AKR7A2: variants seen among roughly 807,000 people sequenced by gnomAD.
AKR7A2 encodes the protein aflatoxin B1 aldehyde reductase member 2.
AKR7A2 carries 29 observed loss-of-function variants against 37.3 expected under a neutral mutation model. The ratio of observed to expected loss-of-function variants is 0.78; its 90% CI spans 0.58 to 1.06. AKR7A2 has a LOEUF of 1.06. AKR7A2 is among the 50% of genes least tolerant of loss of function. The pLI is 0.00. For missense variants in AKR7A2, 529 were observed against 497.9 expected (o/e 1.06, Z -0.59); for synonymous variants, 228 against 217.8 (o/e 1.05, Z -0.41).
At chr1:19,309,131 CA>C (rs2093767720) in intron 1 of AKR7A2, among the ~76,000 whole-genome samples, 1 of 152,206 alleles carries the variant, frequency 6.6e-6, no homozygotes, top group African/African-American at 2.4e-5. Context: ...GGAACCCATG[CA>C]AAGTCAAAGA....
At chr1:19,307,498 G>A (rs906223858) in intron 3 of AKR7A2, 88 bp from the exon 4 acceptor site, 56 of 1,358,582 alleles carry the variant, frequency 4.1e-5, no homozygotes, top group South Asian at 7.2e-5. Flanking sequence ...AAGCAACACC[G>A]GCCCAGGACT....
downstream of AKR7A2, chr1:19,303,842 G>C (rs897614500): frequency 6.0e-6 from 2 of 331,568 alleles, no homozygotes; most frequent in South Asian, 2.6e-5. Flanking sequence ...GACCCTGGGA[G>C]GGCAGTGTGC....
At chr1:19,302,737 C>A (rs558530718), downstream of AKR7A2, among the ~76,000 whole-genome samples, 1 of 149,848 alleles carries the variant, frequency 6.7e-6, no homozygotes, top group South Asian at 2.1e-4. Flanking sequence ...GTCACCCAGG[C>A]TAGAGTGTAA....
downstream of AKR7A2, among the ~76,000 whole-genome samples, chr1:19,303,086 C>T (rs187105409): frequency 8.8e-4 from 133 of 151,952 alleles, 2 homozygotes; most frequent in African/African-American, 2.8e-3. Flanking sequence ...TGTTTTGTTA[C>T]GGGTAAACAG....
intron 4 of AKR7A2, 39 bp from the exon 5 acceptor site, chr1:19,307,140 C>T: frequency 1.2e-6 from 2 of 1,609,952 alleles, no homozygotes; most frequent in Non-Finnish European, 8.5e-7. Context: ...CCCCAGAGTG[C>T]CCCAGAAGCT....
intron 1 of AKR7A2, among the ~76,000 whole-genome samples, chr1:19,309,872 C>T (rs1005326698): frequency 3.3e-5 from 5 of 151,682 alleles, no homozygotes; most frequent in Non-Finnish European, 4.4e-5. Flanking sequence ...GTCAGGAGTT[C>T]GAGACCAGCC....
rs1458121096 is a variant in AKR7A2 at position 19,304,345 on chromosome 1, C to A, written c.960G>T (p.Leu320=). The change falls in exon 7 of 7, where the codon CTG becomes CTT. Residue 320 remains leucine, a synonymous_variant. Coordinates refer to ENST00000235835, the MANE Select transcript of AKR7A2 (RefSeq NM_003689.4). The stretch of plus-strand genomic sequence containing the variant: ...CTGCCAAGTTCTGCTCCAGCTGCTC[C>A]AGGCTGGACATGCCCAGGATGACCG... ...GDAVILGMSS[L]EQLEQNLAAT... The A allele has an allele frequency of 1.2e-6, 2 of 1,614,164 alleles. No homozygotes were observed. The highest frequency in any genetic ancestry group is 4.5e-5 in the East Asian group (2 of 44,878).
At chr1:19,307,980 C>T in intron 3 of AKR7A2, 178 bp downstream of exon 3, 2 of 766,072 alleles carry the variant, frequency 2.6e-6, no homozygotes, top group Non-Finnish European at 4.5e-6. Flanking sequence ...AAGCAGATGC[C>T]CAGTGGCCAG....
downstream of AKR7A2, among the ~76,000 whole-genome samples, chr1:19,303,150 A>G (rs1294337156): frequency 1.3e-5 from 2 of 152,218 alleles, no homozygotes. Context: ...AATAAAAATA[A>G]AAACTTCTCG....
Position 19,307,420 on chromosome 1 carries a change from G to A in AKR7A2, c.592-10C>T, listed in dbSNP as rs1482504021. On this transcript the variant is annotated splice_polypyrimidine_tract_variant and intron_variant, in intron 3 of 6. Transcript: ENST00000235835. ...TGGCGTTGTACATGCCCTGCAGGGA[G>A]AGGGACCCCGGGGACAGGGTGGACA... 1 of 1,614,018 alleles carries A rather than the reference G, an allele frequency of 6.2e-7. No individual in the cohort carries two copies. The highest frequency in any genetic ancestry group is 1.1e-5 in the South Asian group (1 of 91,088).
rs982168684 is a variant in AKR7A2, at chr1:19,311,955, G to A, written c.170C>T (p.Ala57Val). The A allele has an allele frequency of 8.2e-6, 13 of 1,580,896 alleles. No homozygotes were observed. Among genetic ancestry groups the A allele is most frequent in the Non-Finnish European group, 1.1e-5 (13 of 1,164,778 alleles). ...MGRRMDAPAS[A>V]AAVRAFLERG... ...CTCCAGAAAGGCGCGCACGGCCGCGGCGCTGGCGGGCGCGTCCATGCGGCG... is the reference window on the plus strand; with the variant it reads ...CTCCAGAAAGGCGCGCACGGCCGCGACGCTGGCGGGCGCGTCCATGCGGCG... Residue 57 changes from alanine to valine, a missense_variant, in exon 1 of 7, where the codon GCC (alanine) becomes GTC (valine). Transcript: ENST00000235835.
chr1:19,309,318 G>C (rs1201496803), intron 1 of AKR7A2, among the ~76,000 whole-genome samples: 1 of 152,234 alleles, frequency 6.6e-6, no homozygotes, highest in East Asian at 1.9e-4. Context: ...TTGTCAGGGT[G>C]TGAACCGGTC....
At chr1:19,311,616 C>G (rs865942379) in intron 1 of AKR7A2, among the ~76,000 whole-genome samples, 5 of 151,958 alleles carry the variant, frequency 3.3e-5, no homozygotes, top group South Asian at 2.1e-4. Flanking sequence ...CGCGCTGCAA[C>G]TCCCAAGGGA....
chr1:19,311,844 C>T lies in AKR7A2; in HGVS notation c.281G>A (p.Gly94Asp). 6.2e-7 allele frequency: 1 copy of T among 1,610,380 alleles called. No individual in the cohort carries two copies. The highest frequency in any genetic ancestry group is 1.1e-5 in the South Asian group (1 of 90,980). ...ACTGTTACCTCTGCAGTCGCCACCG[C>T]CCAGCCCGAGCCCCAGGCCGCCCAG... Reference protein sequence around the residue: ...TILGGLGLGLGGGDCRVKIAT... With the variant: ...TILGGLGLGLDGGDCRVKIAT... The change falls in exon 1 of 7, where the codon GGC (glycine) becomes GAC (aspartate). Residue 94 changes from glycine to aspartate, a missense_variant. Physicochemically the swap from Gly to Asp is moderately conservative, Grantham distance 94. Coordinates refer to ENST00000235835, the MANE Select transcript of AKR7A2 (RefSeq NM_003689.4).
At chr1:19,307,806 G>A (rs1301438492) in intron 3 of AKR7A2, 3 of 499,178 alleles carry the variant, frequency 6.0e-6, no homozygotes, top group Non-Finnish European at 1.1e-5. Flanking sequence ...TTTGGAGACT[G>A]GAGACTCCTA....
chr1:19,306,735 C>A (rs554459867), intron 5 of AKR7A2, among the ~76,000 whole-genome samples: 1 of 152,146 alleles, frequency 6.6e-6, no homozygotes, highest in Admixed American at 6.5e-5. Context: ...CCTGGCCCAT[C>A]CTGGGCTCGC....
At chr1:19,307,186 C>T (rs1192450034) in intron 4 of AKR7A2, 85 bp from the exon 5 acceptor site, 19 of 1,592,806 alleles carry the variant, frequency 1.2e-5, no homozygotes, top group Non-Finnish European at 1.5e-5. Flanking sequence ...AGGGGAGGGG[C>T]AGGGACCCAG....
At position 19,304,453 on chromosome 1, in the gene AKR7A2, A is replaced by C; in HGVS notation, c.919-67T>G. ...CAGCGACTCCACTCACAGCCGTCCC[A>C]GCCACCTCCCTGCTGAGATCTGGGG... On this transcript the variant is annotated intron_variant, in intron 6 of 6. Transcript: ENST00000235835. The C allele has an allele frequency of 9.9e-6, 16 of 1,613,288 alleles. No individual in the cohort carries two copies. The South Asian group carries it at 1.8e-4, about 18-fold the overall frequency.
Position 19,306,068 on chromosome 1 carries a change from TG to T in AKR7A2, c.867del (p.Ser290ValfsTer2). On this transcript the variant is annotated frameshift_variant, in exon 6 of 7. Coordinates refer to ENST00000235835, the MANE Select transcript of AKR7A2 (RefSeq NM_003689.4). LOFTEE classifies it high-confidence loss of function. Reference sequence around the variant, plus strand: ...CACCGGAGGGCAGCCGAGGTCACACTGGGGGCGCTGGCGCCATATGCGGCCT... The same window carrying T: ...CACCGGAGGGCAGCCGAGGTCACACTGGGGCGCTGGCGCCATATGCGGCCT... ...ALQAAYGASA[P>X]SVTSAALRWM... The T allele has an allele frequency of 6.2e-7, 1 of 1,614,140 alleles. No individual in the cohort carries two copies.
Sources: gnomAD v4.1 joint callset for allele counts (sites outside exome capture counted in the v4.1 genomes callset) on GRCh38, gnomAD v4.1.1 for gene constraint, MANE v1.5 for transcripts, NCBI Gene and HGNC (gene_info 2026-07-23, HGNC 2026-07-21) for gene names.